Variants in CACNA2D3 observed in about 807,000 individuals in gnomAD.
The protein encoded by CACNA2D3 is voltage-dependent calcium channel subunit alpha-2/delta-3.
A neutral mutation model predicts 160.6 loss-of-function variants in CACNA2D3; 60 were observed. The observed-to-expected ratio is 0.37, with a 90% CI of 0.30 to 0.46. CACNA2D3 has a LOEUF of 0.46. CACNA2D3 is among the 20% of genes least tolerant of loss of function. The probability of loss-of-function intolerance (pLI) is 1.00; values close to 1 mark genes in which losing one functional copy is unlikely to be tolerated. For synonymous variants in CACNA2D3, 558 were observed against 492.9 expected (o/e 1.13, Z -1.75); for missense variants, 1,205 against 1,365.0 (o/e 0.88, Z 1.85).
At chr3:54,543,038 C>T (rs527900489) in intron 5 of CACNA2D3, among the ~76,000 whole-genome samples, 9 of 152,328 alleles carry the variant, frequency 5.9e-5, no homozygotes, top group African/African-American at 2.2e-4. Context: ...CTTCACCTCT[C>T]AGTTCCAGCC....
intron 34 of CACNA2D3, among the ~76,000 whole-genome samples, chr3:55,014,284 A>T (rs866608593): frequency 4.6e-5 from 7 of 151,274 alleles, no homozygotes; most frequent in Admixed American, 1.3e-4. Context: ...GTGATGAGTC[A>T]CTCTCTGTGG....
chr3:54,946,817 TAA>T (rs11295270), intron 27 of CACNA2D3, among the ~76,000 whole-genome samples: 32 of 145,552 alleles, frequency 2.2e-4, no homozygotes, highest in Non-Finnish European at 2.6e-4. Flanking sequence ...TGTGGTTTAT[TAA>T]AAAAAAAAAA....
At chr3:54,257,904 G>A (rs73089621) in intron 2 of CACNA2D3, among the ~76,000 whole-genome samples, 22,671 of 152,172 alleles carry the variant, frequency 0.15, 2,194 homozygotes, top group Middle Eastern at 0.22. Context: ...TTAGAAAATG[G>A]GGATAGTCCA....
chr3:54,716,477 T>G (rs955262643), intron 11 of CACNA2D3, among the ~76,000 whole-genome samples: 8 of 152,146 alleles, frequency 5.3e-5, no homozygotes, highest in Non-Finnish European at 1.2e-4. Context: ...GGGGTAGACG[T>G]TACTGTCAAT....
intron 27 of CACNA2D3, among the ~76,000 whole-genome samples, chr3:54,911,637 G>C (rs1242735304): frequency 8.6e-5 from 13 of 151,920 alleles, no homozygotes; most frequent in Non-Finnish European, 1.9e-4. Context: ...TCAGTGGGCC[G>C]CTCCACTTTC....
chr3:55,025,724 G>A (rs754927918), intron 35 of CACNA2D3, among the ~76,000 whole-genome samples: 12 of 150,598 alleles, frequency 8.0e-5, no homozygotes, highest in Non-Finnish European at 1.5e-4. Context: ...CTAATACCAC[G>A]TTGGGTTGAA....
At chr3:54,933,960 G>A (rs546041791) in intron 27 of CACNA2D3, among the ~76,000 whole-genome samples, 8 of 152,072 alleles carry the variant, frequency 5.3e-5, no homozygotes, top group Admixed American at 2.0e-4. Flanking sequence ...TGGTAGAGAC[G>A]GGGTTTCGTC....
intron 5 of CACNA2D3, among the ~76,000 whole-genome samples, chr3:54,524,561 A>C (rs915312738): frequency 2.0e-5 from 3 of 150,442 alleles, no homozygotes; most frequent in Middle Eastern, 3.4e-3. Context: ...TAGTTGTTTT[A>C]CTCTGTATTC....
At chr3:54,433,737 T>G (rs902349719) in intron 4 of CACNA2D3, among the ~76,000 whole-genome samples, 1 of 152,068 alleles carries the variant, frequency 6.6e-6, no homozygotes, top group Non-Finnish European at 1.5e-5. Flanking sequence ...ATGAACAGAG[T>G]GCTCCAGAAG....
At chr3:54,870,389 A>T (rs1278128919) in intron 17 of CACNA2D3, among the ~76,000 whole-genome samples, 1 of 152,232 alleles carries the variant, frequency 6.6e-6, no homozygotes, top group Non-Finnish European at 1.5e-5. Flanking sequence ...CTTCCAGTTA[A>T]ATCAAAAGAT....
intron 4 of CACNA2D3, among the ~76,000 whole-genome samples, chr3:54,403,951 C>G (rs1361999383): frequency 6.6e-6 from 1 of 152,106 alleles, no homozygotes; most frequent in Non-Finnish European, 1.5e-5. Context: ...GGAAGAAATG[C>G]AAAGCCCGCA....
At chr3:54,350,992 T>TTTTTTTG (rs1698551920) in intron 3 of CACNA2D3, among the ~76,000 whole-genome samples, 1 of 110,978 alleles carries the variant, frequency 9.0e-6, no homozygotes, top group Non-Finnish European at 2.0e-5. Context: ...GTTTGTTTTT[T>TTTTTTTG]TTTTTTTTTT....
intron 4 of CACNA2D3, among the ~76,000 whole-genome samples, chr3:54,406,196 A>G (rs549507692): frequency 6.6e-6 from 1 of 152,258 alleles, no homozygotes; most frequent in East Asian, 1.9e-4. Flanking sequence ...TCTTCTGGGT[A>G]TATACTCAAA....
intron 11 of CACNA2D3, among the ~76,000 whole-genome samples, chr3:54,751,493 A>G (rs559707875): frequency 1.4e-4 from 22 of 152,254 alleles, no homozygotes; most frequent in Non-Finnish European, 2.6e-4. Flanking sequence ...TTGAGTATCA[A>G]TGTTCCAAGT....
intron 4 of CACNA2D3, among the ~76,000 whole-genome samples, chr3:54,452,752 G>A (rs890685418): frequency 2.0e-5 from 3 of 152,132 alleles, no homozygotes; most frequent in African/African-American, 7.2e-5. Context: ...CTGGAGGCTT[G>A]ATGTCTGAAA....
intron 3 of CACNA2D3, among the ~76,000 whole-genome samples, chr3:54,372,169 GAAACTTAA>G (rs1698936083): frequency 6.6e-6 from 1 of 152,186 alleles, no homozygotes; most frequent in Non-Finnish European, 1.5e-5. Flanking sequence ...CTGTTAAAGG[GAAACTTAA>G]AAACTTAAAA....
At chr3:54,268,566 C>T (rs1004331013) in intron 2 of CACNA2D3, among the ~76,000 whole-genome samples, 9 of 152,288 alleles carry the variant, frequency 5.9e-5, no homozygotes, top group South Asian at 2.1e-4. Flanking sequence ...CCCACCACCA[C>T]GCCTGGCTAA....
chr3:54,890,692 C>T (rs756524999), intron 24 of CACNA2D3, among the ~76,000 whole-genome samples: 4 of 152,136 alleles, frequency 2.6e-5, no homozygotes, highest in East Asian at 1.9e-4. Flanking sequence ...TTGCCAAGGC[C>T]GTTCTTAGAG....
intron 21 of CACNA2D3, 86 bp downstream of exon 21, chr3:54,880,949 A>G: frequency 7.2e-6 from 8 of 1,110,814 alleles, no homozygotes; most frequent in Non-Finnish European, 1.1e-5. Context: ...GAACTTGTTC[A>G]TCTGTCCGCA....
Sources: allele counts gnomAD v4.1 joint callset (sites outside exome capture counted in the v4.1 genomes callset), GRCh38; gene constraint gnomAD v4.1.1; transcripts MANE v1.5; gene names NCBI Gene and HGNC (gene_info 2026-07-23, HGNC 2026-07-21).